DSCAM: variants seen among roughly 807,000 people sequenced by gnomAD.
DSCAM encodes the protein cell adhesion molecule DSCAM.
DSCAM carries 47 observed loss-of-function variants against 217.7 expected under a neutral mutation model. That is an observed-to-expected ratio of 0.22 (90% CI 0.17 to 0.28). The LOEUF (loss-of-function observed/expected upper bound fraction) is 0.28, where lower values mean the gene tolerates loss of function less well. Ranked by LOEUF, DSCAM falls within the 10% of genes least tolerant of loss-of-function variation. DSCAM has a pLI of 1.00. For synonymous variants in DSCAM, 1,056 were observed against 1,015.3 expected (o/e 1.04, Z -0.76); for missense variants, 2,080 against 2,618.3 (o/e 0.79, Z 4.49).
At chr21:40,477,581 G>A (rs913492270) in intron 3 of DSCAM, among the ~76,000 whole-genome samples, 2 of 151,980 alleles carry the variant, frequency 1.3e-5, no homozygotes, top group Non-Finnish European at 2.9e-5. Flanking sequence ...ATGAAACTTA[G>A]TAAGTTTCAC....
At chr21:40,199,423 A>G (rs1038093606) in intron 11 of DSCAM, among the ~76,000 whole-genome samples, 12 of 152,192 alleles carry the variant, frequency 7.9e-5, no homozygotes, top group African/African-American at 2.9e-4. Context: ...GTTGTTTCCA[A>G]GTCTTTGCTA....
In DSCAM at chr21:40,013,084, C is replaced by G; in HGVS notation, c.5989G>C (p.Gly1997Arg). The change falls in exon 33 of 33, where the codon GGC becomes CGC. Residue 1997 changes from glycine (G) to arginine (R), a missense_variant. Transcript: ENST00000400454. ...SSQESLLDSR[G>R]HLKGNNPYAK... ...TAAGGATTGTTTCCTTTCAAATGGC[C>G]CCGGGAGTCGAGCAGTGATTCTTGG... The G allele has an allele frequency of 6.3e-7, 1 of 1,578,696 alleles. No individual in the cohort carries two copies. The highest frequency in any genetic ancestry group is 1.2e-5 in the South Asian group (1 of 84,934).
intron 2 of DSCAM, among the ~76,000 whole-genome samples, chr21:40,703,714 G>A (rs973585437): frequency 6.6e-6 from 1 of 152,222 alleles, no homozygotes; most frequent in Admixed American, 6.5e-5. Flanking sequence ...TTCTTCACGT[G>A]TCTTGAGCTT....
chr21:40,113,350 C>T (rs887891919), intron 20 of DSCAM, among the ~76,000 whole-genome samples: 4 of 152,010 alleles, frequency 2.6e-5, no homozygotes, highest in Admixed American at 2.0e-4. Context: ...AGGCCTTTGA[C>T]AAAATTCAAC....
At chr21:40,108,071 A>C (rs536216454) in intron 20 of DSCAM, among the ~76,000 whole-genome samples, 1 of 152,354 alleles carries the variant, frequency 6.6e-6, no homozygotes, top group East Asian at 1.9e-4. Flanking sequence ...AATGGGCAAA[A>C]GCTGGAAGTA....
rs181386088 is a variant in DSCAM, at chr21:40,181,654, A to T, written c.2780-2560T>A. ...ACATACTCTCTGAAAACACCTAATAAGACAGGATTTTGATATTTCCGGGCA... is the reference window on the plus strand; with the variant it reads ...ACATACTCTCTGAAAACACCTAATATGACAGGATTTTGATATTTCCGGGCA... On this transcript the variant is annotated intron_variant, in intron 14 of 32. Transcript: ENST00000400454. Among the ~76,000 whole-genome samples the T allele has an allele frequency of 3.3e-5, 5 of 151,710 alleles. No individual in the cohort carries two copies. The East Asian group carries it at 9.7e-4, about 29-fold the overall frequency.
At chr21:40,240,191 G>A (rs1471130217) in intron 11 of DSCAM, among the ~76,000 whole-genome samples, 1 of 152,092 alleles carries the variant, frequency 6.6e-6, no homozygotes, top group Non-Finnish European at 1.5e-5. Context: ...ACAGGAGGAA[G>A]CCCTCCCGAT....
intron 11 of DSCAM, among the ~76,000 whole-genome samples, chr21:40,240,348 G>GGTTTTT (rs2073133351): frequency 2.3e-5 from 1 of 43,852 alleles, no homozygotes; most frequent in South Asian, 8.1e-4. Context: ...CTTCCTCACT[G>GGTTTTT]GTTTTTTTTT....
intron 20 of DSCAM, among the ~76,000 whole-genome samples, chr21:40,098,573 T>A (rs1276974553): frequency 1.3e-5 from 2 of 152,226 alleles, no homozygotes; most frequent in African/African-American, 4.8e-5. Context: ...AAGAAGGACT[T>A]ACTTTTACTC....
At chr21:40,701,493 G>A (rs566059302) in intron 2 of DSCAM, among the ~76,000 whole-genome samples, 12 of 151,958 alleles carry the variant, frequency 7.9e-5, no homozygotes, top group African/African-American at 2.9e-4. Context: ...CTCTTTTTCA[G>A]TTTAAAATGG....
intron 3 of DSCAM, among the ~76,000 whole-genome samples, chr21:40,635,258 A>C (rs1397228547): frequency 6.6e-6 from 1 of 152,134 alleles, no homozygotes; most frequent in Admixed American, 6.6e-5. Context: ...GCCTGGAGGG[A>C]GGGATGTCAG....
At chr21:40,539,618 G>T (rs2076528171) in intron 3 of DSCAM, among the ~76,000 whole-genome samples, 2 of 152,186 alleles carry the variant, frequency 1.3e-5, no homozygotes, top group Admixed American at 1.3e-4. Context: ...TCAGTGAAAT[G>T]AAATACAGCT....
chr21:40,339,780 C>CACAA (rs761056300), intron 6 of DSCAM, among the ~76,000 whole-genome samples: 1 of 152,216 alleles, frequency 6.6e-6, no homozygotes, highest in Non-Finnish European at 1.5e-5. Context: ...CGCTCACTCC[C>CACAA]ACAAACAGTC....
rs193187789 is a variant in DSCAM, at chr21:40,708,683, C to A, written c.132G>T (p.Val44=). 1 of 1,612,600 alleles carries A rather than the reference C, an allele frequency of 6.2e-7. No individual in the cohort carries two copies. Among genetic ancestry groups the A allele is most frequent in the Admixed American group, 1.7e-5 (1 of 59,826 alleles). ...GAGGGATGCCTGCTGCGGGGCAGGG[C>A]ACCAGAGTCCCCGTGGTGCTGGCAA... ...VVFASTTGTL[V]PCPAAGIPPV... The change falls in exon 2 of 33, where the codon GTG becomes GTT. Residue 44 remains valine, a synonymous_variant. Coordinates refer to ENST00000400454, the MANE Select transcript of DSCAM (RefSeq NM_001389.5).
chr21:40,022,776 C>T (rs1253679532), intron 32 of DSCAM, among the ~76,000 whole-genome samples: 1 of 124,522 alleles, frequency 8.0e-6, no homozygotes, highest in Non-Finnish European at 1.8e-5. Context: ...AGGCACAATA[C>T]ATTCTTTTTT....
rs143513422 is a variant in DSCAM, at chr21:40,180,516, G to A, written c.2780-1422C>T. 7.2e-5 allele frequency among the ~76,000 whole-genome samples: 11 copies of A among 152,278 alleles called. No homozygotes were observed. The East Asian group carries it at 2.1e-3, about 29-fold the overall frequency. On this transcript the variant is annotated intron_variant, in intron 14 of 32. Transcript: ENST00000400454. Reference sequence around the variant, plus strand: ...TGGGATTCAATGGAAGACAAATGAGGAGAGGAAATTTTATATCAATGAAAC... The same window carrying A: ...TGGGATTCAATGGAAGACAAATGAGAAGAGGAAATTTTATATCAATGAAAC...
chr21:40,032,640 T>G (rs1283032390), intron 32 of DSCAM, among the ~76,000 whole-genome samples: 1 of 152,204 alleles, frequency 6.6e-6, no homozygotes, highest in African/African-American at 2.4e-5. Flanking sequence ...ACTCAAAAAG[T>G]GTTAGATCTC....
intron 20 of DSCAM, among the ~76,000 whole-genome samples, chr21:40,099,113 C>T (rs909267798): frequency 1.3e-5 from 2 of 152,174 alleles, no homozygotes; most frequent in Non-Finnish European, 2.9e-5. Context: ...ATCAGGAAAG[C>T]ATTAAGATAT....
intron 1 of DSCAM, among the ~76,000 whole-genome samples, chr21:40,729,169 C>T (rs1601182178): frequency 6.6e-6 from 1 of 152,138 alleles, no homozygotes; most frequent in Non-Finnish European, 1.5e-5. Context: ...TATTTTAATC[C>T]TCAAACTACA....
Sources: gnomAD v4.1 joint callset for allele counts (sites outside exome capture counted in the v4.1 genomes callset) on GRCh38, gnomAD v4.1.1 for gene constraint, MANE v1.5 for transcripts, NCBI Gene and HGNC (gene_info 2026-07-23, HGNC 2026-07-21) for gene names.